Variants in PRKCE observed in about 807,000 individuals in gnomAD.
PRKCE encodes the protein protein kinase C epsilon.
Under a neutral mutation model 85.4 loss-of-function variants are expected in PRKCE, and 16 were observed. That is an observed-to-expected ratio of 0.19 (90% CI 0.13 to 0.28). The LOEUF (loss-of-function observed/expected upper bound fraction) is 0.28, where lower values mean the gene tolerates loss of function less well. Among genes scored for constraint, PRKCE ranks in the 10% least tolerant of loss-of-function variants. The pLI, the probability that PRKCE is intolerant of heterozygous loss-of-function variation, is 1.00. For synonymous variants in PRKCE, 388 were observed against 371.5 expected (o/e 1.04, Z -0.51); for missense variants, 573 against 975.2 (o/e 0.59, Z 5.49).
chr2:46,030,121 A>G (rs1707412169), intron 10 of PRKCE, among the ~76,000 whole-genome samples: 1 of 152,156 alleles, frequency 6.6e-6, no homozygotes, highest in Admixed American at 6.5e-5. Context: ...TGAGATCCCC[A>G]CATCCTGGGA....
intron 2 of PRKCE, among the ~76,000 whole-genome samples, chr2:45,849,876 C>A (rs1027072575): frequency 3.3e-5 from 5 of 152,162 alleles, no homozygotes; most frequent in African/African-American, 1.2e-4. Flanking sequence ...ATTTTTGGTC[C>A]TGATGGAATA....
chr2:45,879,917 A>G (rs569732512), intron 2 of PRKCE, among the ~76,000 whole-genome samples: 145 of 152,352 alleles, frequency 9.5e-4, no homozygotes, highest in African/African-American at 3.3e-3. Context: ...ATTTGAAATT[A>G]TATATTAACT....
At chr2:46,129,427 AT>A (rs149746994) in intron 11 of PRKCE, among the ~76,000 whole-genome samples, 3,845 of 152,124 alleles carry the variant, frequency 0.025, 146 homozygotes, top group African/African-American at 0.086. Flanking sequence ...ACGTTATTTT[AT>A]TTTTTTTATA....
In PRKCE at chr2:45,697,577, G is replaced by T. The variant is rs746993949; in HGVS notation, c.348+45129G>T. ...TGGACTGGTTGGCATCTCTATGTGG[G>T]TGGCATCTCTAGCTCTTTCTTTTGT... On this transcript the variant is annotated intron_variant, in intron 1 of 14. Coordinates refer to ENST00000306156, the MANE Select transcript of PRKCE (RefSeq NM_005400.3). The surrounding 1 kb of genome is among the most constrained non-coding windows in gnomAD (Gnocchi z 4.2). 2.0e-5 allele frequency among the ~76,000 whole-genome samples: 3 copies of T among 152,068 alleles called. No homozygotes were observed. Among genetic ancestry groups the T allele is most frequent in the Non-Finnish European group, 4.4e-5 (3 of 68,014 alleles).
intron 1 of PRKCE, among the ~76,000 whole-genome samples, chr2:45,809,773 G>A (rs1290956618): frequency 6.6e-6 from 1 of 151,082 alleles, no homozygotes; most frequent in Non-Finnish European, 1.5e-5. Context: ...CCAGCTACTC[G>A]AGAGCCTGAG....
chr2:45,743,552 G>A (rs1682761703), intron 1 of PRKCE, among the ~76,000 whole-genome samples: 1 of 151,854 alleles, frequency 6.6e-6, no homozygotes, highest in South Asian at 2.1e-4. Flanking sequence ...GGAACCAGGG[G>A]GAGCTGATGT....
chr2:45,796,394 T>C (rs1687438635), intron 1 of PRKCE, among the ~76,000 whole-genome samples: 4 of 152,252 alleles, frequency 2.6e-5, no homozygotes, highest in Admixed American at 2.6e-4. Flanking sequence ...AGGGATGTAA[T>C]GAGCACTAAA....
In PRKCE at chr2:45,842,763, G is replaced by A. The variant is rs116303244; in HGVS notation, c.349-237G>A. Among the ~76,000 whole-genome samples, 133 of 152,300 alleles carry A rather than the reference G, an allele frequency of 8.7e-4. 2 individuals are homozygous for A. Among genetic ancestry groups the A allele is most frequent in the Non-Finnish European group, 1.3e-3 (90 of 68,026 alleles). On this transcript the variant is annotated intron_variant, in intron 1 of 14. Transcript: ENST00000306156. Reference sequence around the variant, plus strand: ...AAAACTGCCTCCAGATGTTTGCCAAGCATCCCCTGTGTAGCAAAATTGCCC... The same window carrying A: ...AAAACTGCCTCCAGATGTTTGCCAAACATCCCCTGTGTAGCAAAATTGCCC...
intron 1 of PRKCE, among the ~76,000 whole-genome samples, chr2:45,666,307 G>A (rs1042586142): frequency 3.9e-5 from 6 of 152,014 alleles, no homozygotes; most frequent in African/African-American, 1.5e-4. Flanking sequence ...GTTGTGTGGG[G>A]ATCATGGCAC....
At position 46,001,279 on chromosome 2, in the gene PRKCE, A is replaced by T. The variant is rs1704657573; in HGVS notation, c.824-125A>T. On this transcript the variant is annotated intron_variant, in intron 6 of 14. Coordinates refer to ENST00000306156, the MANE Select transcript of PRKCE (RefSeq NM_005400.3). The surrounding 1 kb of genome is among the most constrained non-coding windows in gnomAD (Gnocchi z 4.4). ...TATATATATATATATATATTTCTGT[A>T]TTTTCCAAATTATATCTTAAATGAA... 3 of 713,936 alleles carry T rather than the reference A, an allele frequency of 4.2e-6. No homozygotes were observed. Among genetic ancestry groups the T allele is most frequent in the Non-Finnish European group, 5.7e-6 (3 of 526,726 alleles). 44.2% of individuals were successfully genotyped at this position (713,936 alleles called of 1,614,324 possible).
rs868616554 is a variant in PRKCE at position 45,744,499 on chromosome 2, C to T, written c.348+92051C>T. ...TTTCTTTCTTTCTTTTTCTTTCTTT[C>T]TTTTCTTTCTTTCTTTCTTTCTTTC... On this transcript the variant is annotated intron_variant, in intron 1 of 14. Coordinates refer to ENST00000306156, the MANE Select transcript of PRKCE (RefSeq NM_005400.3). Among the ~76,000 whole-genome samples the T allele has an allele frequency of 7.1e-3, 282 of 39,522 alleles. 1 individual carries two copies. The highest frequency in any genetic ancestry group is 0.017 in the African/African-American group (237 of 13,602). 25.9% of individuals were successfully genotyped at this position (39,522 alleles called of 152,430 possible).
At chr2:46,166,700 A>C (rs1445571665) in intron 14 of PRKCE, 1 of 152,244 alleles carries the variant, frequency 6.6e-6, no homozygotes, top group African/African-American at 2.4e-5. Context: ...TGGAATTATT[A>C]ACAGGAATAG....
At chr2:46,022,296 T>C (rs759887792) in intron 10 of PRKCE, among the ~76,000 whole-genome samples, 5 of 152,210 alleles carry the variant, frequency 3.3e-5, no homozygotes, top group Non-Finnish European at 5.9e-5. Flanking sequence ...CTACATGACC[T>C]ATACGATCCC....
intron 2 of PRKCE, among the ~76,000 whole-genome samples, chr2:45,950,540 G>T (rs1260311036): frequency 2.7e-5 from 3 of 111,272 alleles, no homozygotes; most frequent in Non-Finnish European, 5.5e-5. Context: ...ACTCTGGCTG[G>T]ATGAGGAGAA....
chr2:46,020,380 A>G (rs947865326), intron 10 of PRKCE, among the ~76,000 whole-genome samples: 3 of 151,654 alleles, frequency 2.0e-5, no homozygotes, highest in African/African-American at 4.8e-5. Context: ...TAAAACCACT[A>G]CAGCTCTGAC....
At chr2:45,810,824 C>T (rs1008200720) in intron 1 of PRKCE, among the ~76,000 whole-genome samples, 2 of 152,130 alleles carry the variant, frequency 1.3e-5, no homozygotes, top group Admixed American at 6.5e-5. Context: ...AGGGCACATT[C>T]GTATTATTAA....
At chr2:46,011,648 T>G (rs753092959) in intron 10 of PRKCE, among the ~76,000 whole-genome samples, 1 of 152,232 alleles carries the variant, frequency 6.6e-6, no homozygotes, top group Non-Finnish European at 1.5e-5. Flanking sequence ...GTAACCTCTC[T>G]TAGTCTCAAC....
At chr2:46,115,907 A>G (rs1239050222) in intron 11 of PRKCE, among the ~76,000 whole-genome samples, 2 of 152,158 alleles carry the variant, frequency 1.3e-5, no homozygotes, top group Non-Finnish European at 2.9e-5. Flanking sequence ...TTTTTGATAT[A>G]AGACATACAA....
chr2:46,159,588 C>G lies in PRKCE; in HGVS notation c.1921-18C>G, dbSNP rs752794763. ...CAGGCCTTTGTCACTAATTCCGACT[C>G]TGTCCTCATCCCTGCAGTTCATGAC... On this transcript the variant is annotated intron_variant, in intron 13 of 14. Transcript: ENST00000306156. This position sits in a 1 kb window ranked among gnomAD's most constrained non-coding sequence, Gnocchi z 4.1. 3.8e-6 allele frequency: 6 copies of G among 1,577,598 alleles called. No homozygotes were observed. The Admixed American group carries it at 1.1e-4, about 28-fold the overall frequency.
Sources: allele counts gnomAD v4.1 joint callset (sites outside exome capture counted in the v4.1 genomes callset), GRCh38; gene constraint gnomAD v4.1.1; non-coding constraint Gnocchi (gnomAD v3.1); transcripts MANE v1.5; gene names NCBI Gene and HGNC (gene_info 2026-07-23, HGNC 2026-07-21).